The following CFAP57 variants were observed in gnomAD, a reference collection of about 807,000 sequenced individuals.
CFAP57 encodes the protein cilia- and flagella-associated protein 57.
A neutral mutation model predicts 146.8 loss-of-function variants in CFAP57; 116 were observed. The ratio of observed to expected loss-of-function variants is 0.79; its 90% CI spans 0.68 to 0.92. The LOEUF (loss-of-function observed/expected upper bound fraction) is 0.92, where lower values mean the gene tolerates loss of function less well. CFAP57 is among the 40% of genes least tolerant of loss of function. The pLI is 0.00. For synonymous variants in CFAP57, 518 were observed against 552.8 expected (o/e 0.94, Z 0.88); for missense variants, 1,377 against 1,527.2 (o/e 0.90, Z 1.64).
intron 19 of CFAP57, 86 bp downstream of exon 19, chr1:43,232,710 C>A: frequency 1.1e-6 from 1 of 888,878 alleles, no homozygotes; most frequent in Non-Finnish European, 1.7e-6. Flanking sequence ...AGAGGCAGAG[C>A]CAGCCCACTG....
In CFAP57 at chr1:43,220,053, G is replaced by A. The variant is rs905058005; in HGVS notation, c.2247+516G>A. Reference sequence around the variant, plus strand: ...CACTTTATGGTGAATGGTATTAATCGGTATTAGTGGTATTAACAGATTAAT... The same window carrying A: ...CACTTTATGGTGAATGGTATTAATCAGTATTAGTGGTATTAACAGATTAAT... On this transcript the variant is annotated intron_variant, in intron 13 of 22. Transcript: ENST00000372492. Among the ~76,000 whole-genome samples the A allele has an allele frequency of 5.3e-5, 8 of 152,036 alleles. No individual in the cohort carries two copies. In the South Asian group the frequency reaches 6.2e-4, roughly 12 times the overall value.
chr1:43,248,561 C>T (rs2124685273), intron 22 of CFAP57, among the ~76,000 whole-genome samples: 1 of 151,972 alleles, frequency 6.6e-6, no homozygotes, highest in South Asian at 2.1e-4. Context: ...ACTTCGTAAT[C>T]TGCCTGCCTC....
chr1:43,225,729 A>G (rs1413614271), intron 17 of CFAP57, among the ~76,000 whole-genome samples: 1 of 152,156 alleles, frequency 6.6e-6, no homozygotes, highest in Non-Finnish European at 1.5e-5. Flanking sequence ...TTCTTTCCCA[A>G]CTAGTGTTTT....
intron 2 of CFAP57, among the ~76,000 whole-genome samples, chr1:43,177,617 G>A (rs1645222035): frequency 1.3e-5 from 2 of 152,104 alleles, no homozygotes; most frequent in Non-Finnish European, 2.9e-5. Flanking sequence ...TTCTGGCATC[G>A]GGGTAGGTTT....
intron 2 of CFAP57, among the ~76,000 whole-genome samples, chr1:43,180,924 C>T (rs181280670): frequency 1.3e-3 from 201 of 152,206 alleles, no homozygotes; most frequent in African/African-American, 4.7e-3. Context: ...TTGCAGTTCC[C>T]GCACTATGCT....
Position 43,204,390 on chromosome 1 carries a change from TAC to T in CFAP57, c.1543-2327_1543-2326del, listed in dbSNP as rs1291288311. Among the ~76,000 whole-genome samples the T allele has an allele frequency of 4.7e-5, 7 of 148,006 alleles. No homozygotes were observed. The East Asian group carries it at 1.4e-3, about 30-fold the overall frequency. ...TTCTTTCTTTCTTTTTCTTATTGGT[TAC>T]ACTCTTTTTGTTTGTTTGTTTGTTT... On this transcript the variant is annotated intron_variant, in intron 9 of 22. Transcript: ENST00000372492.
rs145070257 is a variant in CFAP57, at chr1:43,238,624, G to A, written c.3405+3986G>A. Among the ~76,000 whole-genome samples, 120 of 152,240 alleles carry A rather than the reference G, an allele frequency of 7.9e-4. No individual in the cohort carries two copies. Among genetic ancestry groups the A allele is most frequent in the South Asian group, 3.5e-3 (17 of 4,818 alleles). ...CCACAAAGCCATCCAAAGCAAAAAC[G>A]GTCGACCTCAATGTGACCTCGGGAC... On this transcript the variant is annotated intron_variant, in intron 21 of 22. Coordinates refer to ENST00000372492, the MANE Select transcript of CFAP57 (RefSeq NM_001378189.1). This position sits in a 1 kb window ranked among gnomAD's most constrained non-coding sequence, Gnocchi z 4.3.
rs79028137 is a variant in CFAP57, at chr1:43,207,634, C to G, written c.1755+702C>G. Among the ~76,000 whole-genome samples the G allele has an allele frequency of 9.2e-5, 14 of 152,332 alleles. No homozygotes were observed. In the East Asian group the frequency reaches 1.5e-3, roughly 17 times the overall value. ...GTGAGCTGCTCTCACCTAGGCTTGC[C>G]ACTGTATTCTTTTGAAATCCCCAAA... On this transcript the variant is annotated intron_variant, in intron 10 of 22. Coordinates refer to ENST00000372492, the MANE Select transcript of CFAP57 (RefSeq NM_001378189.1).
At chr1:43,172,490 G>A in intron 1 of CFAP57, 37 bp downstream of exon 1, 1 of 1,528,504 alleles carries the variant, frequency 6.5e-7, no homozygotes, top group African/African-American at 1.4e-5. Context: ...AGAAGGAGCT[G>A]GTAGCAGTGA....
intron 9 of CFAP57, among the ~76,000 whole-genome samples, chr1:43,203,220 C>T (rs559502813): frequency 6.6e-6 from 1 of 151,970 alleles, no homozygotes; most frequent in South Asian, 2.1e-4. Context: ...TAACTTAAAA[C>T]CTTTCTACAA....
intron 21 of CFAP57, among the ~76,000 whole-genome samples, chr1:43,237,910 G>A (rs1343082016): frequency 6.6e-6 from 1 of 152,188 alleles, no homozygotes; most frequent in Non-Finnish European, 1.5e-5. Context: ...CACTCCATTG[G>A]CAAGGTGGGA....
chr1:43,218,965 G>T (rs2124545320), intron 12 of CFAP57, among the ~76,000 whole-genome samples: 1 of 152,246 alleles, frequency 6.6e-6, no homozygotes, highest in Non-Finnish European at 1.5e-5. Flanking sequence ...GGGGAAAGAA[G>T]AATAAAAACA....
intron 4 of CFAP57, among the ~76,000 whole-genome samples, chr1:43,184,379 G>T (rs1645553363): frequency 1.3e-5 from 2 of 152,204 alleles, no homozygotes; most frequent in African/African-American, 2.4e-5. Context: ...TTATAATAGA[G>T]ATGCCACGTT....
intron 9 of CFAP57, among the ~76,000 whole-genome samples, chr1:43,202,522 C>T (rs1187059792): frequency 2.6e-5 from 4 of 152,174 alleles, no homozygotes; most frequent in African/African-American, 9.7e-5. Context: ...GTCACTCACG[C>T]CTGTAATCTC....
At chr1:43,205,409 G>T (rs558199770) in intron 9 of CFAP57, among the ~76,000 whole-genome samples, 151 of 152,340 alleles carry the variant, frequency 9.9e-4, no homozygotes, top group African/African-American at 3.6e-3. Context: ...CCAGAGCTGG[G>T]GCGGGGACCT....
chr1:43,227,016 C>T lies in CFAP57; in HGVS notation c.2899C>T (p.Gln967Ter). 6.6e-7 allele frequency: 1 copy of T among 1,525,200 alleles called. No individual in the cohort carries two copies. Among genetic ancestry groups the T allele is most frequent in the Non-Finnish European group, 8.8e-7 (1 of 1,138,090 alleles). 94.5% of individuals were successfully genotyped at this position (1,525,200 alleles called of 1,614,324 possible). A position where few individuals can be genotyped will look rare whatever the true frequency, so the allele number is the denominator to read the frequency against. ...KRIYDLKKKN[Q>*]ELGKFKFVLD... Reference sequence around the variant, plus strand: ...AATTTATGATCTGAAAAAGAAAAATCAAGAACTAGGGAAATTCAAGTTTGT... The same window carrying T: ...AATTTATGATCTGAAAAAGAAAAATTAAGAACTAGGGAAATTCAAGTTTGT... The change falls in exon 18 of 23, where the codon CAA becomes TAA. Residue 967 changes from glutamine (Q) to a stop codon, truncating the protein, a stop_gained. Coordinates refer to ENST00000372492, the MANE Select transcript of CFAP57 (RefSeq NM_001378189.1). LOFTEE classifies it high-confidence loss of function.
At chr1:43,175,215 GGT>G (rs1044921374) in intron 2 of CFAP57, among the ~76,000 whole-genome samples, 1 of 151,186 alleles carries the variant, frequency 6.6e-6, no homozygotes, top group Non-Finnish European at 1.5e-5. Flanking sequence ...CTCTGTCTAT[GGT>G]GTGTGTGTGT....
intron 21 of CFAP57, 87 bp from the exon 22 acceptor site, chr1:43,243,140 C>T: frequency 2.8e-6 from 4 of 1,442,376 alleles, no homozygotes; most frequent in Non-Finnish European, 3.7e-6. Flanking sequence ...CTGCCCATTC[C>T]CCATACACTC....
At chr1:43,227,740 C>T (rs545408137) in intron 18 of CFAP57, among the ~76,000 whole-genome samples, 20 of 152,104 alleles carry the variant, frequency 1.3e-4, no homozygotes, top group Non-Finnish European at 2.2e-4. Flanking sequence ...TTCCCTGCAA[C>T]GTGTGTTGCC....
Sources: gnomAD v4.1 joint callset for allele counts (sites outside exome capture counted in the v4.1 genomes callset) on GRCh38, gnomAD v4.1.1 for gene constraint, Gnocchi (gnomAD v3.1) non-coding constraint, MANE v1.5 for transcripts, NCBI Gene and HGNC (gene_info 2026-07-23, HGNC 2026-07-21) for gene names.